Variants in IQSEC1 observed in about 807,000 individuals in gnomAD.
IQSEC1 encodes the protein IQ motif and Sec7 domain ArfGEF 1.
In IQSEC1, 31 loss-of-function variants were observed where a neutral mutation model predicts 91.0. The ratio of observed to expected loss-of-function variants is 0.34; its 90% CI spans 0.26 to 0.46. The LOEUF is 0.46. IQSEC1 is among the 20% of genes least tolerant of loss of function. The pLI is 1.00. For synonymous variants in IQSEC1, 699 were observed against 662.6 expected, an observed-to-expected ratio of 1.05 and a Z score of -0.84; for missense variants, 1,388 against 1,575.6, an observed-to-expected ratio of 0.88 and a Z score of 2.02.
chr3:13,128,590 G>A (rs565421685), intron 2 of IQSEC1, among the ~76,000 whole-genome samples: 3 of 152,244 alleles, frequency 2.0e-5, no homozygotes, highest in South Asian at 4.1e-4. Context: ...ATCTAGCCGG[G>A]CACAGTGGCT....
intron 1 of IQSEC1, among the ~76,000 whole-genome samples, chr3:13,038,258 G>GTATATATATATATATA (rs1354129185): frequency 5.8e-5 from 3 of 51,384 alleles, no homozygotes; most frequent in Non-Finnish European, 1.1e-4. Flanking sequence ...ATGTGTGTGT[G>GTATATATATATATATA]TGTGTATATA....
chr3:13,135,982 G>A (rs908525372), intron 2 of IQSEC1, among the ~76,000 whole-genome samples: 1 of 152,216 alleles, frequency 6.6e-6, no homozygotes, highest in African/African-American at 2.4e-5. Context: ...GGACTCTGCT[G>A]CGTGGGACAG....
At chr3:13,162,161 C>T (rs974656904) in intron 2 of IQSEC1, among the ~76,000 whole-genome samples, 1 of 152,234 alleles carries the variant, frequency 6.6e-6, no homozygotes, top group Non-Finnish European at 1.5e-5. Context: ...TGAGAGCAGG[C>T]TGTTCTCAGG....
intron 1 of IQSEC1, among the ~76,000 whole-genome samples, chr3:12,993,129 G>A (rs1702063514): frequency 6.6e-6 from 1 of 152,140 alleles, no homozygotes; most frequent in Non-Finnish European, 1.5e-5. Context: ...AGGGTCCAGA[G>A]GTCGCCAAGG....
Position 13,188,670 on chromosome 3 carries a change from G to A in IQSEC1, c.273-24537C>T, listed in dbSNP as rs564646761. 9.2e-5 allele frequency among the ~76,000 whole-genome samples: 14 copies of A among 152,334 alleles called. No homozygotes were observed. In the South Asian group the frequency reaches 2.9e-3, roughly 32 times the overall value. ...GTGGGCAAAAGGCAAAGCCACACAAGTGAGAGTCAGTCTCCAGACTTGAGC... is the reference window on the plus strand; with the variant it reads ...GTGGGCAAAAGGCAAAGCCACACAAATGAGAGTCAGTCTCCAGACTTGAGC... On this transcript the variant is annotated intron_variant, in intron 1 of 15. Coordinates refer to the IQSEC1 transcript ENST00000648114.
At chr3:13,054,557 G>A (rs1239890178) in intron 1 of IQSEC1, among the ~76,000 whole-genome samples, 1 of 152,190 alleles carries the variant, frequency 6.6e-6, no homozygotes, top group African/African-American at 2.4e-5. Context: ...CCTCCACCCC[G>A]TCACGTTGCC....
intron 2 of IQSEC1, among the ~76,000 whole-genome samples, chr3:13,085,817 G>A (rs2125133581): frequency 6.6e-6 from 1 of 152,366 alleles, no homozygotes; most frequent in South Asian, 2.1e-4. Context: ...ATCGGCCAAT[G>A]CGAGGCTCTC....
At position 12,901,161 on chromosome 3, in the gene IQSEC1, T is replaced by C. The variant is rs1436566815; in HGVS notation, c.3167A>G (p.His1056Arg). 8.4e-6 allele frequency: 13 copies of C among 1,542,946 alleles called. No homozygotes were observed. The highest frequency in any genetic ancestry group is 1.1e-5 in the Non-Finnish European group (13 of 1,144,282). Residue 1056 changes from histidine to arginine, a missense_variant, in exon 14 of 14, where the codon CAC becomes CGC. This residue lies in a region of IQSEC1 where 329 missense variants were observed against 257.8 expected (regional missense o/e 1.28). Coordinates refer to ENST00000613206, the MANE Select transcript of IQSEC1 (RefSeq NM_001134382.3). ...HHPPQHIQHA[H>R]QYHHGPHGGH... Reference sequence around the variant, plus strand: ...CCCATGGGGGCCGTGGTGGTACTGGTGTGCGTGCTGGATGTGCTGGGGTGG... The same window carrying C: ...CCCATGGGGGCCGTGGTGGTACTGGCGTGCGTGCTGGATGTGCTGGGGTGG...
intron 2 of IQSEC1, among the ~76,000 whole-genome samples, chr3:13,085,660 TG>T (rs1327966443): frequency 7.9e-5 from 12 of 152,290 alleles, no homozygotes; most frequent in East Asian, 5.8e-4. Context: ...GGCTAGTGGT[TG>T]TGACAGAATA....
chr3:13,012,750 T>G (rs1365326594), intron 1 of IQSEC1, among the ~76,000 whole-genome samples: 1 of 152,168 alleles, frequency 6.6e-6, no homozygotes, highest in Non-Finnish European at 1.5e-5. Context: ...ACACTGCGAT[T>G]CCGCCATTCC....
chr3:13,072,404 C>T (rs545729345), intron 1 of IQSEC1, among the ~76,000 whole-genome samples: 50 of 152,318 alleles, frequency 3.3e-4, no homozygotes, highest in East Asian at 1.9e-3. Context: ...GTGATGTCAC[C>T]GCCCCGTGCA....
chr3:13,131,478 CTTTTTTTT>C (rs61345195), intron 2 of IQSEC1, among the ~76,000 whole-genome samples: 1 of 81,710 alleles, frequency 1.2e-5, no homozygotes, highest in Non-Finnish European at 2.3e-5. Flanking sequence ...AAATCTATGT[CTTTTTTTT>C]TTTTTTTTTT....
At chr3:13,057,357 A>G (rs1023588267) in intron 1 of IQSEC1, among the ~76,000 whole-genome samples, 1 of 152,138 alleles carries the variant, frequency 6.6e-6, no homozygotes, top group Non-Finnish European at 1.5e-5. Context: ...CCCCAGGCCA[A>G]TCTTGGCCCT....
chr3:12,935,385 C>CCAAGG lies in IQSEC1; in HGVS notation c.1568+62_1568+63insCCTTG, dbSNP rs1219967193. On this transcript the variant is annotated intron_variant, in intron 3 of 13. Transcript: ENST00000613206. This position sits in a 1 kb window ranked among gnomAD's most constrained non-coding sequence, Gnocchi z 8.0. ...CCGTGCTTGGAAGGATGCAGCCACG[C>CCAAGG]CCACCCGCCAAGGCCCAGCAAGCCA... The CCAAGG allele has an allele frequency of 1.6e-5, 24 of 1,509,778 alleles. No homozygotes were observed. Among genetic ancestry groups the CCAAGG allele is most frequent in the Non-Finnish European group, 2.2e-5 (24 of 1,107,450 alleles). The allele number at this position is 1,509,778 out of a possible 1,614,324, so 93.5% of individuals were successfully genotyped here.
rs1018916482 is a variant in IQSEC1 at position 13,008,846 on chromosome 3, G to T, written c.23+64146C>A. The stretch of plus-strand genomic sequence containing the variant: ...AGCTAACCCAGTGGGAACCAGACAC[G>T]CTGGCAAACCCCATCCCACGGGCTA... On this transcript the variant is annotated intron_variant, in intron 1 of 13. Coordinates refer to ENST00000613206, the MANE Select transcript of IQSEC1 (RefSeq NM_001134382.3). This position sits in a 1 kb window ranked among gnomAD's most constrained non-coding sequence, Gnocchi z 4.1. 6.6e-6 allele frequency among the ~76,000 whole-genome samples: 1 copy of T among 152,316 alleles called. No individual in the cohort carries two copies. Among genetic ancestry groups the T allele is most frequent in the East Asian group, 1.9e-4 (1 of 5,172 alleles).
chr3:13,197,943 G>A (rs867010703), intron 1 of IQSEC1, among the ~76,000 whole-genome samples: 7 of 152,240 alleles, frequency 4.6e-5, no homozygotes, highest in Admixed American at 4.6e-4. Flanking sequence ...CGTGGTGCCC[G>A]CGGCTTGGAT....
At chr3:12,953,634 G>A (rs1342508881) in intron 1 of IQSEC1, among the ~76,000 whole-genome samples, 1 of 152,184 alleles carries the variant, frequency 6.6e-6, no homozygotes, top group Non-Finnish European at 1.5e-5. Flanking sequence ...ACGAGGAGTC[G>A]GGCAGCAGTC....
chr3:13,138,604 A>C (rs969295292), intron 2 of IQSEC1, among the ~76,000 whole-genome samples: 4 of 152,094 alleles, frequency 2.6e-5, no homozygotes, highest in African/African-American at 9.6e-5. Context: ...AAATAGCTTG[A>C]CTAACACAGA....
In IQSEC1 at chr3:13,008,533, G is replaced by C. The variant is rs1702734509; in HGVS notation, c.23+64459C>G. Among the ~76,000 whole-genome samples the C allele has an allele frequency of 6.6e-6, 1 of 152,096 alleles. No homozygotes were observed. Among genetic ancestry groups the C allele is most frequent in the Admixed American group, 6.5e-5 (1 of 15,272 alleles). Reference sequence around the variant, plus strand: ...TGCTCTCAGTTCCCCTCCTCAGGGAGGCCCTCACTGACCACCGCCAAGTCG... The same window carrying C: ...TGCTCTCAGTTCCCCTCCTCAGGGACGCCCTCACTGACCACCGCCAAGTCG... On this transcript the variant is annotated intron_variant, in intron 1 of 13. Coordinates refer to ENST00000613206, the MANE Select transcript of IQSEC1 (RefSeq NM_001134382.3). This position sits in a 1 kb window ranked among gnomAD's most constrained non-coding sequence, Gnocchi z 4.1.
Sources: allele counts gnomAD v4.1 joint callset (sites outside exome capture counted in the v4.1 genomes callset), GRCh38; gene constraint gnomAD v4.1.1; regional missense constraint gnomAD v4.1.1; non-coding constraint Gnocchi (gnomAD v3.1); transcripts MANE v1.5; gene names NCBI Gene and HGNC (gene_info 2026-07-23, HGNC 2026-07-21).